The following GLYR1 variants were observed in gnomAD, a reference collection of about 807,000 sequenced individuals.
The protein encoded by GLYR1 is cytokine-like nuclear factor N-PAC.
GLYR1 carries 21 observed loss-of-function variants against 72.7 expected under a neutral mutation model. The ratio of observed to expected loss-of-function variants is 0.29; its 90% CI spans 0.20 to 0.42. The LOEUF (loss-of-function observed/expected upper bound fraction) is 0.42. Ranked by LOEUF, GLYR1 falls within the 10% of genes least tolerant of loss-of-function variation. The probability of loss-of-function intolerance (pLI) is 1.00; values close to 1 mark genes in which losing one functional copy is unlikely to be tolerated. For missense variants in GLYR1, 594 were observed against 712.1 expected (o/e 0.83, Z 1.89); for synonymous variants, 392 against 270.2 (o/e 1.45, Z -4.42).
At chr16:4,819,751 G>A (rs1422142636) in intron 9 of GLYR1, among the ~76,000 whole-genome samples, 2 of 152,128 alleles carry the variant, frequency 1.3e-5, no homozygotes, top group African/African-American at 4.8e-5. Context: ...AATATCAGCT[G>A]CTCACATTCT....
intron 6 of GLYR1, among the ~76,000 whole-genome samples, chr16:4,823,196 G>T (rs1319403786): frequency 2.6e-5 from 4 of 152,310 alleles, no homozygotes; most frequent in Non-Finnish European, 4.4e-5. Context: ...ATGAGCCTGT[G>T]GGAAAATATT....
intron 3 of GLYR1, among the ~76,000 whole-genome samples, chr16:4,842,952 G>C (rs147884122): frequency 6.6e-6 from 1 of 151,940 alleles, no homozygotes; most frequent in Admixed American, 6.6e-5. Context: ...TGCCTGCCCC[G>C]GCCTCCCAAA....
chr16:4,831,318 G>A (rs569617014), intron 5 of GLYR1, among the ~76,000 whole-genome samples: 1 of 152,120 alleles, frequency 6.6e-6, no homozygotes, highest in Admixed American at 6.6e-5. Flanking sequence ...GTGCACACAC[G>A]GGAGGCACAC....
intron 7 of GLYR1, among the ~76,000 whole-genome samples, chr16:4,822,323 G>A (rs1372278741): frequency 6.6e-6 from 1 of 151,568 alleles, no homozygotes; most frequent in African/African-American, 2.4e-5. Flanking sequence ...CTGACCTCAG[G>A]TGATCCACCC....
intron 10 of GLYR1, 145 bp downstream of exon 10, chr16:4,817,453 G>C (rs2083719348): frequency 3.3e-6 from 2 of 602,784 alleles, no homozygotes; most frequent in Admixed American, 2.9e-5. Flanking sequence ...CCTAAGTTTA[G>C]GCATCTACAT....
At chr16:4,805,964 G>A (rs1414972988) in intron 15 of GLYR1, among the ~76,000 whole-genome samples, 1 of 152,282 alleles carries the variant, frequency 6.6e-6, no homozygotes, top group East Asian at 1.9e-4. Context: ...CTGGGTGACA[G>A]AGCGAGACTC....
chr16:4,846,869 G>A (rs1457765217), intron 1 of GLYR1: 5 of 349,388 alleles, frequency 1.4e-5, no homozygotes, highest in East Asian at 1.4e-4. Context: ...TCCGGTCCCC[G>A]GCGCTTCTGC....
intron 3 of GLYR1, chr16:4,840,002 A>C (rs1192499655): frequency 6.6e-6 from 1 of 152,208 alleles, no homozygotes; most frequent in Admixed American, 6.5e-5. Flanking sequence ...ATGTGCCTGG[A>C]CCACATGCCC....
intron 5 of GLYR1, among the ~76,000 whole-genome samples, chr16:4,829,834 G>T (rs1011918703): frequency 6.6e-6 from 1 of 151,986 alleles, no homozygotes; most frequent in Non-Finnish European, 1.5e-5. Context: ...CACCACACTC[G>T]GGTAATTTTT....
At chr16:4,829,052 T>C (rs537945583) in intron 5 of GLYR1, among the ~76,000 whole-genome samples, 5 of 152,176 alleles carry the variant, frequency 3.3e-5, no homozygotes, top group South Asian at 4.2e-4. Flanking sequence ...ATTTAGATCA[T>C]GTTCCCTATA....
rs953397386 is a variant in GLYR1, at chr16:4,832,110, C to T, written c.406G>A (p.Val136Met). The T allele has an allele frequency of 1.2e-6, 2 of 1,614,186 alleles. No homozygotes were observed. Among genetic ancestry groups the T allele is most frequent in the African/African-American group, 1.3e-5 (1 of 75,044 alleles). ...KRKLSLSEGK[V>M]KKNMGEGKKR... is the part of the protein sequence containing the mutation. Reference sequence around the variant, plus strand: ...TTTCCTTCTCCCATGTTCTTCTTCACCTTCCCTTCAGACAGGCTAAGTTTG... The same window carrying T: ...TTTCCTTCTCCCATGTTCTTCTTCATCTTCCCTTCAGACAGGCTAAGTTTG... The change falls in exon 5 of 16, where the codon GTG (valine) becomes ATG (methionine). Residue 136 changes from valine to methionine, a missense_variant. Physicochemically the swap from Val to Met is conservative, Grantham distance 21. Coordinates refer to ENST00000321919, the MANE Select transcript of GLYR1 (RefSeq NM_032569.4).
chr16:4,829,135 C>T (rs1179339722), intron 5 of GLYR1, among the ~76,000 whole-genome samples: 2 of 152,048 alleles, frequency 1.3e-5, no homozygotes, highest in Non-Finnish European at 2.9e-5. Context: ...AGCACTGCCA[C>T]CCTTGCTCTC....
At chr16:4,814,792 C>A in intron 10 of GLYR1, 145 bp from the exon 11 acceptor site, 1 of 647,416 alleles carries the variant, frequency 1.5e-6, no homozygotes. Flanking sequence ...GAGATAGGAG[C>A]CCAACTTTTG....
intron 3 of GLYR1, 33 bp downstream of exon 3, chr16:4,845,041 G>A (rs775579437): frequency 2.0e-5 from 28 of 1,430,318 alleles, no homozygotes; most frequent in Non-Finnish European, 2.6e-5. Context: ...CAGAAAGAAA[G>A]GCGAAGGGAG....
chr16:4,825,603 A>G (rs1051187674), intron 5 of GLYR1, among the ~76,000 whole-genome samples: 2 of 152,074 alleles, frequency 1.3e-5, no homozygotes, highest in Admixed American at 6.5e-5. Flanking sequence ...TATTTTATAC[A>G]TACATTCTCA....
intron 10 of GLYR1, among the ~76,000 whole-genome samples, chr16:4,816,057 C>T (rs1419589773): frequency 6.6e-6 from 1 of 152,196 alleles, no homozygotes; most frequent in East Asian, 1.9e-4. Flanking sequence ...GCATGAGCCA[C>T]CGCACCCGGC....
intron 3 of GLYR1, among the ~76,000 whole-genome samples, chr16:4,836,911 G>A (rs942170429): frequency 6.6e-6 from 1 of 152,030 alleles, no homozygotes; most frequent in African/African-American, 2.4e-5. Context: ...ATGACTTCCT[G>A]GTTTGCAGGT....
chr16:4,830,916 C>T (rs930709971), intron 5 of GLYR1, among the ~76,000 whole-genome samples: 2 of 152,136 alleles, frequency 1.3e-5, no homozygotes, highest in Admixed American at 1.3e-4. Context: ...TTCCACTGCC[C>T]GGACTCAACT....
intron 10 of GLYR1, among the ~76,000 whole-genome samples, chr16:4,817,001 T>C (rs2083681529): frequency 1.3e-5 from 2 of 150,994 alleles, no homozygotes; most frequent in Non-Finnish European, 1.5e-5. Flanking sequence ...TGGAGTGCAG[T>C]GACACGATCT....
Sources: gnomAD v4.1 joint callset for allele counts (sites outside exome capture counted in the v4.1 genomes callset) on GRCh38, gnomAD v4.1.1 for gene constraint, MANE v1.5 for transcripts, NCBI Gene and HGNC (gene_info 2026-07-23, HGNC 2026-07-21) for gene names.